STOX1: variants seen among roughly 807,000 people sequenced by gnomAD.
STOX1 encodes storkhead-box protein 1.
In STOX1, 57 loss-of-function variants were observed where a neutral mutation model predicts 74.8. The ratio of observed to expected loss-of-function variants is 0.76; its 90% CI spans 0.62 to 0.95. STOX1 has a LOEUF of 0.95. Ranked by LOEUF, STOX1 falls within the 40% of genes least tolerant of loss-of-function variation. The pLI is 0.00. For missense variants in STOX1, 1,010 were observed against 1,117.0 expected, an observed-to-expected ratio of 0.90 and a Z score of 1.37; for synonymous variants, 375 against 401.3, an observed-to-expected ratio of 0.93 and a Z score of 0.78.
intron 3 of STOX1, among the ~76,000 whole-genome samples, chr10:68,887,369 G>A (rs1840988771): frequency 6.6e-6 from 1 of 151,974 alleles, no homozygotes; most frequent in African/African-American, 2.4e-5. Context: ...CACAACCTCC[G>A]CCTCCTGGAT....
chr10:68,846,231 C>T, intron 1 of STOX1, among the ~76,000 whole-genome samples: 1 of 151,818 alleles, frequency 6.6e-6, no homozygotes. Context: ...ACTGCAACCT[C>T]TGCCTCCTGG....
chr10:68,849,300 C>T (rs1292068452), intron 1 of STOX1, among the ~76,000 whole-genome samples: 1 of 152,142 alleles, frequency 6.6e-6, no homozygotes, highest in Non-Finnish European at 1.5e-5. Context: ...ACTTTAGCTA[C>T]AGTCTGTGGC....
chr10:68,842,679 A>G (rs979105730), intron 1 of STOX1, among the ~76,000 whole-genome samples: 1 of 150,978 alleles, frequency 6.6e-6, no homozygotes, highest in Non-Finnish European at 1.5e-5. Flanking sequence ...AGCGGGGATC[A>G]TGGGTACCCG....
chr10:68,873,665 T>G (rs2066288), intron 1 of STOX1, among the ~76,000 whole-genome samples: 6 of 129,556 alleles, frequency 4.6e-5, no homozygotes, highest in African/African-American at 5.8e-5. Context: ...TTTTTTTTTT[T>G]CTTTTTTTTG....
intron 3 of STOX1, among the ~76,000 whole-genome samples, chr10:68,887,670 T>C (rs1243858860): frequency 6.7e-6 from 1 of 148,882 alleles, no homozygotes; most frequent in African/African-American, 2.5e-5. Context: ...CTCTGCTCAC[T>C]GCAACCTCCG....
intron 1 of STOX1, 33 bp from the exon 2 acceptor site, chr10:68,881,925 C>T: frequency 2.5e-6 from 4 of 1,612,834 alleles, no homozygotes; most frequent in Non-Finnish European, 3.4e-6. Context: ...ATTTATCAAC[C>T]CCCTCCCCCT....
At chr10:68,859,191 A>AT (rs775625209) in intron 1 of STOX1, among the ~76,000 whole-genome samples, 31 of 152,074 alleles carry the variant, frequency 2.0e-4, no homozygotes, top group Non-Finnish European at 3.5e-4. Flanking sequence ...ATAGTGGCTT[A>AT]TTGTCTCCAT....
Position 68,838,325 on chromosome 10 carries a change from C to T in STOX1, c.310+10392C>T, listed in dbSNP as rs149096681. ...CGAGTGATTCTTCCGTCTCGGCCTC[C>T]CAAAGTGATGCGATTACAGGCGTGA... On this transcript the variant is annotated intron_variant, in intron 1 of 3. Coordinates refer to ENST00000298596, the MANE Select transcript of STOX1 (RefSeq NM_152709.5). 7.9e-3 allele frequency among the ~76,000 whole-genome samples: 1,200 copies of T among 152,186 alleles called. 19 individuals carry two copies. The highest frequency in any genetic ancestry group is 0.028 in the African/African-American group (1,142 of 41,512).
At chr10:68,846,533 A>G (rs941173154) in intron 1 of STOX1, among the ~76,000 whole-genome samples, 7 of 152,148 alleles carry the variant, frequency 4.6e-5, no homozygotes, top group South Asian at 2.1e-4. Flanking sequence ...TCTCCATTGG[A>G]TAACCCTGGC....
chr10:68,831,412 C>T (rs1839407518), intron 1 of STOX1, among the ~76,000 whole-genome samples: 1 of 152,144 alleles, frequency 6.6e-6, no homozygotes, highest in South Asian at 2.1e-4. Context: ...GTTTCGAACT[C>T]CTGACTCAGG....
chr10:68,880,893 C>T (rs1164471425), intron 1 of STOX1, among the ~76,000 whole-genome samples: 1 of 152,086 alleles, frequency 6.6e-6, no homozygotes, highest in African/African-American at 2.4e-5. Flanking sequence ...GGGGTTTTAC[C>T]ATGTTGGCCA....
chr10:68,858,347 T>C (rs1389198646), intron 1 of STOX1, among the ~76,000 whole-genome samples: 3 of 152,118 alleles, frequency 2.0e-5, no homozygotes, highest in Non-Finnish European at 4.4e-5. Flanking sequence ...TCTAAGGCAA[T>C]GGCCTTGTGA....
chr10:68,862,038 A>C (rs1840279008), intron 1 of STOX1, among the ~76,000 whole-genome samples: 1 of 152,026 alleles, frequency 6.6e-6, no homozygotes, highest in Non-Finnish European at 1.5e-5. Flanking sequence ...TTGATTAACT[A>C]TCTTTTGGTC....
chr10:68,856,577 C>CA (rs1840131966), intron 1 of STOX1, among the ~76,000 whole-genome samples: 1 of 152,074 alleles, frequency 6.6e-6, no homozygotes, highest in South Asian at 2.1e-4. Flanking sequence ...GGGACTAGTG[C>CA]AGTACCTCCT....
chr10:68,866,816 G>C (rs1458193503), intron 1 of STOX1, among the ~76,000 whole-genome samples: 2 of 152,226 alleles, frequency 1.3e-5, no homozygotes, highest in African/African-American at 2.4e-5. Context: ...AGGGGTGAGG[G>C]AGTGGCCTGA....
At chr10:68,893,349 A>G (rs1841138001), downstream of STOX1, among the ~76,000 whole-genome samples, 1 of 152,264 alleles carries the variant, frequency 6.6e-6, no homozygotes, top group South Asian at 2.1e-4. Context: ...TCCCAATGTG[A>G]CTGACAATGT....
At position 68,857,302 on chromosome 10, in the gene STOX1, A is replaced by G. The variant is rs75403259; in HGVS notation, c.311-24656A>G. On this transcript the variant is annotated intron_variant, in intron 1 of 3. Transcript: ENST00000298596. ...AGAAAAATGGAATTTCTTTGTTTAC[A>G]TGAAGGAGAAAAAGGCAACTGCTTC... 7.5e-3 allele frequency among the ~76,000 whole-genome samples: 1,148 copies of G among 152,218 alleles called. 19 individuals carry two copies. Among genetic ancestry groups the G allele is most frequent in the African/African-American group, 0.026 (1,059 of 41,468 alleles).
rs1160388935 is a variant in STOX1 at position 68,874,013 on chromosome 10, C to CTTTTTTTTTTTTTTTTT, written c.311-7938_311-7922dup. ...GAAAAATTGCAGATAGCTAGGTAGC[C>CTTTTTTTTTTTTTTTTT]TTTTTTTTTTTTTTTTTTTTTTTGC... On this transcript the variant is annotated intron_variant, in intron 1 of 3. Coordinates refer to ENST00000298596, the MANE Select transcript of STOX1 (RefSeq NM_152709.5). 7.8e-5 allele frequency among the ~76,000 whole-genome samples: 2 copies of CTTTTTTTTTTTTTTTTT among 25,752 alleles called. 1 individual carries two copies. Among genetic ancestry groups the CTTTTTTTTTTTTTTTTT allele is most frequent in the African/African-American group, 3.6e-4 (2 of 5,536 alleles). The allele number at this position is 25,752 out of a possible 152,430, so 16.9% of individuals were successfully genotyped here. A position where few individuals can be genotyped will look rare whatever the true frequency, so the allele number is the denominator to read the frequency against.
chr10:68,884,353 T>C lies in STOX1; in HGVS notation c.557T>C (p.Ile186Thr), dbSNP rs778194886. ...KIYHTGEGYF[I>T]VTPQTYFITN... The stretch of plus-strand genomic sequence containing the variant: ...TATCACACTGGAGAAGGATACTTCA[T>C]AGTTACTCCTCAGACTTACTTCATT... Residue 186 changes from isoleucine to threonine, a missense_variant, in exon 3 of 4, where the codon ATA becomes ACA. By Grantham distance (89) the Ile-to-Thr change is moderately conservative. Coordinates refer to ENST00000298596, the MANE Select transcript of STOX1 (RefSeq NM_152709.5). The C allele has an allele frequency of 5.0e-6, 8 of 1,614,150 alleles. No homozygotes were observed. The Admixed American group carries it at 6.7e-5, about 13-fold the overall frequency.
Sources: gnomAD v4.1 joint callset for allele counts (sites outside exome capture counted in the v4.1 genomes callset) on GRCh38, gnomAD v4.1.1 for gene constraint, MANE v1.5 for transcripts, NCBI Gene and HGNC (gene_info 2026-07-23, HGNC 2026-07-21) for gene names.